Variants in RPS6KA5 observed in about 807,000 individuals in gnomAD.
The protein encoded by RPS6KA5 is ribosomal protein S6 kinase A5, also known as ribosomal protein S6 kinase alpha-5.
In RPS6KA5, 27 loss-of-function variants were observed where a neutral mutation model predicts 85.5. The ratio of observed to expected loss-of-function variants is 0.32; its 90% confidence interval spans 0.23 to 0.44. RPS6KA5 has a LOEUF of 0.44. RPS6KA5 is among the 20% of genes least tolerant of loss of function. RPS6KA5 has a pLI of 1.00. For synonymous variants in RPS6KA5, 334 were observed against 348.2 expected (o/e 0.96, Z 0.46); for missense variants, 811 against 980.9 (o/e 0.83, Z 2.31).
At chr14:90,900,833 C>T in intron 9 of RPS6KA5, 97 bp from the exon 10 acceptor site, 2 of 1,011,594 alleles carry the variant, frequency 2.0e-6, no homozygotes, top group Admixed American at 6.0e-5. Context: ...TAGAAAAACA[C>T]TCAAATATTT....
At chr14:90,973,570 T>G (rs2039421583) in intron 3 of RPS6KA5, among the ~76,000 whole-genome samples, 1 of 151,370 alleles carries the variant, frequency 6.6e-6, no homozygotes, top group African/African-American at 2.4e-5. Flanking sequence ...AGCATCCTCA[T>G]AAGAAAAGAT....
chr14:91,048,995 G>A (rs1353359753), intron 1 of RPS6KA5, among the ~76,000 whole-genome samples: 1 of 152,200 alleles, frequency 6.6e-6, no homozygotes, highest in Non-Finnish European at 1.5e-5. Context: ...TTGGAGCAGA[G>A]GTTAATGTTG....
In RPS6KA5 at chr14:91,001,303, A is replaced by G. The variant is rs376675244; in HGVS notation, c.104-144T>C. The G allele has an allele frequency of 1.9e-5, 11 of 575,208 alleles. 1 individual carries two copies. The South Asian group carries it at 2.9e-4, about 15-fold the overall frequency. The allele number at this position is 575,208 out of a possible 1,614,324, so 35.6% of individuals were successfully genotyped here. ...GCTTTATAATTATTTGTTAAACAGT[A>G]TAGCATATTTTGCATAAATTTCTGT... is the stretch of plus-strand genomic sequence containing the variant. On this transcript the variant is annotated intron_variant, in intron 1 of 16. Transcript: ENST00000614987.
intron 3 of RPS6KA5, among the ~76,000 whole-genome samples, chr14:90,971,559 A>C (rs190012009): frequency 2.5e-4 from 38 of 152,370 alleles, no homozygotes; most frequent in African/African-American, 8.9e-4. Flanking sequence ...ATGCTAGTCT[A>C]TTCCGTATCT....
At chr14:90,885,552 CAAAAAAAAAAAAAAAAAAAAAAAAAAA>C (rs780292114) in intron 14 of RPS6KA5, among the ~76,000 whole-genome samples, 1 of 19,884 alleles carries the variant, frequency 5.0e-5, no homozygotes, top group African/African-American at 4.1e-4. Context: ...GACTCCGTCT[CAAAAAAAAAAAAAAAAAAAAAAAAAAA>C]AAAAAAAAAA....
chr14:90,951,732 A>G (rs1402595106), intron 3 of RPS6KA5, among the ~76,000 whole-genome samples: 1 of 152,084 alleles, frequency 6.6e-6, no homozygotes, highest in Non-Finnish European at 1.5e-5. Flanking sequence ...CCTATTTTGC[A>G]TAGAAGGTTC....
intron 14 of RPS6KA5, among the ~76,000 whole-genome samples, chr14:90,881,571 G>A (rs1419753036): frequency 6.6e-6 from 1 of 152,036 alleles, no homozygotes; most frequent in African/African-American, 2.4e-5. Flanking sequence ...CACAATGTTG[G>A]CTCACTGCAA....
At chr14:90,929,398 C>T (rs2036853408) in intron 5 of RPS6KA5, among the ~76,000 whole-genome samples, 1 of 152,034 alleles carries the variant, frequency 6.6e-6, no homozygotes, top group African/African-American at 2.4e-5. Flanking sequence ...CCAAGTCAAT[C>T]TATAAATTTG....
chr14:90,883,462 C>T (rs953760570), intron 14 of RPS6KA5, among the ~76,000 whole-genome samples: 7 of 152,170 alleles, frequency 4.6e-5, no homozygotes, highest in African/African-American at 7.2e-5. Flanking sequence ...TTTTCAGCTC[C>T]AGAATTCCTT....
intron 1 of RPS6KA5, among the ~76,000 whole-genome samples, chr14:91,011,156 A>C (rs1444809150): frequency 6.6e-6 from 1 of 152,148 alleles, no homozygotes; most frequent in Non-Finnish European, 1.5e-5. Context: ...AAAATGTATA[A>C]AAGAATGGAC....
chr14:90,954,923 G>A (rs2038421121), intron 3 of RPS6KA5, among the ~76,000 whole-genome samples: 1 of 152,040 alleles, frequency 6.6e-6, no homozygotes, highest in East Asian at 1.9e-4. Context: ...TTCTAATTCT[G>A]TAAGGTCAAT....
intron 14 of RPS6KA5, among the ~76,000 whole-genome samples, chr14:90,882,488 T>G (rs1263670713): frequency 1.3e-5 from 2 of 152,238 alleles, no homozygotes; most frequent in Non-Finnish European, 2.9e-5. Flanking sequence ...TCATAAGGCT[T>G]TGAATTAACT....
At chr14:90,914,075 G>A (rs2035971830) in intron 7 of RPS6KA5, among the ~76,000 whole-genome samples, 1 of 152,138 alleles carries the variant, frequency 6.6e-6, no homozygotes, top group African/African-American at 2.4e-5. Flanking sequence ...TCCTTTCACG[G>A]CCCTTTCCAG....
chr14:90,997,980 C>T (rs796927171), intron 2 of RPS6KA5, among the ~76,000 whole-genome samples: 18 of 143,412 alleles, frequency 1.3e-4, no homozygotes, highest in African/African-American at 4.7e-4. Flanking sequence ...TGCACTCCAA[C>T]CTGGGTGGCA....
intron 1 of RPS6KA5, among the ~76,000 whole-genome samples, chr14:91,048,075 C>T (rs775884916): frequency 2.0e-5 from 3 of 152,188 alleles, no homozygotes; most frequent in African/African-American, 7.2e-5. Context: ...AACATGTTTG[C>T]GGGTTCCAGG....
At chr14:90,960,566 C>A (rs1033324671) in intron 3 of RPS6KA5, among the ~76,000 whole-genome samples, 2 of 152,112 alleles carry the variant, frequency 1.3e-5, no homozygotes, top group Non-Finnish European at 2.9e-5. Flanking sequence ...CCCTTTTCAA[C>A]TGGGCATAAA....
rs1478072105 is a variant in RPS6KA5 at position 90,848,452 on chromosome 14, CAGAAAAGCAGATAA to C, written c.*23608_*23621del. On this transcript the variant is annotated 3_prime_UTR_variant, in exon 17 of 17. Transcript: ENST00000614987. ...CAATAAAGTATATAAATATGAAATTCAGAAAAGCAGATAAAGAAAAGCTGTCACTTAATAACACA... is the reference window on the plus strand; with the variant it reads ...CAATAAAGTATATAAATATGAAATTCAGAAAAGCTGTCACTTAATAACACA... 2.6e-5 allele frequency: 4 copies of C among 152,006 alleles called. No individual in the cohort carries two copies. Among genetic ancestry groups the C allele is most frequent in the Non-Finnish European group, 4.4e-5 (3 of 67,998 alleles). The allele number at this position is 152,006 out of a possible 1,614,324, so 9.4% of individuals were successfully genotyped here. A position where few individuals can be genotyped will look rare whatever the true frequency, so the allele number is the denominator to read the frequency against.
chr14:91,035,751 A>G lies in RPS6KA5; in HGVS notation c.103+24581T>C, dbSNP rs565694527. On this transcript the variant is annotated intron_variant, in intron 1 of 16. Transcript: ENST00000614987. ...TGTTTTAAGTAGAAAATGAAGAGAT[A>G]TACCCAAAAAAGCCAAACAGAGACA... Among the ~76,000 whole-genome samples the G allele has an allele frequency of 1.6e-4, 25 of 151,894 alleles. No individual in the cohort carries two copies. In the East Asian group the frequency reaches 3.5e-3, roughly 21 times the overall value.
chr14:90,888,229 C>T (rs1220411739), intron 14 of RPS6KA5, among the ~76,000 whole-genome samples: 1 of 152,054 alleles, frequency 6.6e-6, no homozygotes, highest in East Asian at 1.9e-4. Context: ...GGCTTCCATC[C>T]ATGTCATTAC....
Sources: gnomAD v4.1 joint callset for allele counts (sites outside exome capture counted in the v4.1 genomes callset) on GRCh38, gnomAD v4.1.1 for gene constraint, MANE v1.5 for transcripts, NCBI Gene and HGNC (gene_info 2026-07-23, HGNC 2026-07-21) for gene names.